The following CLCC1 variants were observed in gnomAD, a reference collection of about 807,000 sequenced individuals.
The protein encoded by CLCC1 is chloride channel CLIC-like protein 1.
A neutral mutation model predicts 63.3 loss-of-function variants in CLCC1; 39 were observed. The ratio of observed to expected loss-of-function variants is 0.62; its 90% CI spans 0.48 to 0.81. CLCC1 has a LOEUF of 0.81. CLCC1 is among the 30% of genes least tolerant of loss of function. CLCC1 has a pLI of 0.00. For missense variants in CLCC1, 549 were observed against 669.4 expected (o/e 0.82, Z 1.98); for synonymous variants, 217 against 239.8 (o/e 0.90, Z 0.88).
chr1:108,943,542 T>G lies in CLCC1; in HGVS notation c.635A>C (p.Gln212Pro). 1.2e-6 allele frequency: 2 copies of G among 1,614,022 alleles called. No homozygotes were observed. Among genetic ancestry groups the G allele is most frequent in the Non-Finnish European group, 8.5e-7 (1 of 1,179,894 alleles). ...ELWTYVRWYT[Q>P]LRRVLIISFL... ...GCTGATGATTAAAACACGTCTCAAC[T>G]GAGTGTACCAACGTACATATGTCCA... The change falls in exon 7 of 13, where the codon CAG (glutamine) becomes CCG (proline). Residue 212 changes from glutamine (Q) to proline (P), a missense_variant. Transcript: ENST00000369969.
intron 2 of CLCC1, among the ~76,000 whole-genome samples, chr1:108,952,849 G>A (rs1483744478): frequency 6.6e-6 from 1 of 151,534 alleles, no homozygotes; most frequent in Non-Finnish European, 1.5e-5. Flanking sequence ...TTCAAATGCA[G>A]TGACTAAACT....
chr1:108,939,827 A>C, intron 9 of CLCC1, 45 bp from the exon 10 acceptor site: 1 of 1,594,494 alleles, frequency 6.3e-7, no homozygotes, highest in East Asian at 2.2e-5. Context: ...CACAGGACTA[A>C]GGTACAGAAT....
chr1:108,939,361 C>T (rs1653494582), intron 10 of CLCC1, among the ~76,000 whole-genome samples: 1 of 146,392 alleles, frequency 6.8e-6, no homozygotes, highest in African/African-American at 2.5e-5. Flanking sequence ...GGCTGGAGTA[C>T]AGTGGTGCGA....
chr1:108,940,327 T>C (rs1653681625), intron 8 of CLCC1, among the ~76,000 whole-genome samples, 185 bp from the exon 9 acceptor site: 2 of 152,240 alleles, frequency 1.3e-5, no homozygotes, highest in South Asian at 4.1e-4. Flanking sequence ...TCCAAAATCA[T>C]GTTTTAAAAA....
chr1:108,946,038 G>A (rs900541454), intron 5 of CLCC1, among the ~76,000 whole-genome samples: 8 of 151,998 alleles, frequency 5.3e-5, no homozygotes, highest in Non-Finnish European at 1.2e-4. Context: ...GGCCGGGCGC[G>A]GTGGCTCATG....
At chr1:108,937,643 A>T (rs988794779) in intron 10 of CLCC1, among the ~76,000 whole-genome samples, 2 of 152,252 alleles carry the variant, frequency 1.3e-5, no homozygotes, top group Admixed American at 6.5e-5. Context: ...AGACATTTTA[A>T]TCAGCTAGAC....
intron 12 of CLCC1, chr1:108,933,467 T>C (rs1277322052): frequency 1.3e-5 from 2 of 150,978 alleles, no homozygotes; most frequent in African/African-American, 4.9e-5. Context: ...TACAGGCACG[T>C]AAGTAACACT....
chr1:108,953,612 C>A (rs1428881621), intron 2 of CLCC1, among the ~76,000 whole-genome samples: 2 of 152,322 alleles, frequency 1.3e-5, no homozygotes, highest in South Asian at 4.2e-4. Context: ...CAACACCCAG[C>A]CCAGTGGTTG....
In CLCC1 at chr1:108,930,139, A is replaced by C; in HGVS notation, c.*2408T>G. On this transcript the variant is annotated 3_prime_UTR_variant, in exon 13 of 13. Coordinates refer to ENST00000369969, the MANE Select transcript of CLCC1 (RefSeq NM_001377458.1). ...CGTTTGAGGGTGGAGGGGTCCTGTA[A>C]GGTGCTTCATCGTCTGTGATTACTG... 1 of 579,934 alleles carries C rather than the reference A, an allele frequency of 1.7e-6. No individual in the cohort carries two copies. The highest frequency in any genetic ancestry group is 2.2e-5 in the South Asian group (1 of 44,520). The allele number at this position is 579,934 out of a possible 1,614,324, so 35.9% of individuals were successfully genotyped here. A position where few individuals can be genotyped will look rare whatever the true frequency, so the allele number is the denominator to read the frequency against.
Position 108,929,954 on chromosome 1 carries a change from A to T in CLCC1, c.*2593T>A, listed in dbSNP as rs1553218196. 3 of 1,608,824 alleles carry T rather than the reference A, an allele frequency of 1.9e-6. No individual in the cohort carries two copies. The highest frequency in any genetic ancestry group is 2.2e-5 in the East Asian group (1 of 44,818). On this transcript the variant is annotated 3_prime_UTR_variant, in exon 13 of 13. Coordinates refer to ENST00000369969, the MANE Select transcript of CLCC1 (RefSeq NM_001377458.1). The stretch of plus-strand genomic sequence containing the variant: ...GCAGACCATTAGTTACTATGGATTT[A>T]TTTTTTTTCCTTTCAAACACGGTAA...
chr1:108,936,155 C>T (rs1281572054), intron 11 of CLCC1, among the ~76,000 whole-genome samples: 2 of 141,832 alleles, frequency 1.4e-5, no homozygotes, highest in Admixed American at 7.3e-5. Context: ...TGCAATGGCA[C>T]GATCTCGGCT....
chr1:108,961,603 T>C (rs1363451094), intron 2 of CLCC1, among the ~76,000 whole-genome samples: 3 of 152,212 alleles, frequency 2.0e-5, no homozygotes, highest in Admixed American at 6.5e-5. Flanking sequence ...CTCACGCTTG[T>C]AATCCCAGCA....
intron 5 of CLCC1, among the ~76,000 whole-genome samples, chr1:108,947,358 G>A (rs1426049639): frequency 1.3e-5 from 2 of 152,184 alleles, no homozygotes; most frequent in African/African-American, 2.4e-5. Flanking sequence ...TGGTGGAGCA[G>A]TGCACAGAGC....
intron 2 of CLCC1, among the ~76,000 whole-genome samples, chr1:108,951,403 A>G (rs1390617608): frequency 1.3e-5 from 2 of 152,142 alleles, no homozygotes. Flanking sequence ...ACAACAACAA[A>G]CAAATTTCCA....
intron 2 of CLCC1, among the ~76,000 whole-genome samples, chr1:108,961,687 C>T (rs1331895149): frequency 2.0e-5 from 3 of 152,170 alleles, no homozygotes; most frequent in Non-Finnish European, 4.4e-5. Context: ...TGGAGAAACC[C>T]TGTCTCTACT....
At position 108,934,894 on chromosome 1, in the gene CLCC1, G is replaced by A. The variant is rs377215045; in HGVS notation, c.1432C>T (p.Leu478=). 102 of 1,613,974 alleles carry A rather than the reference G, an allele frequency of 6.3e-5. No individual in the cohort carries two copies. The highest frequency in any genetic ancestry group is 3.3e-4 in the Middle Eastern group (2 of 6,080). The part of the protein sequence containing the change: ...DTKPKETGGI[L]GEGTPKESST... ...CTTTCTTTCGGTGTGCCTTCCCCCA[G>A]GATTCCACCTGTCTCCTTGGGCTTT... The change falls in exon 12 of 13, where the codon CTG becomes TTG. Residue 478 remains leucine, a synonymous_variant. Coordinates refer to ENST00000369969, the MANE Select transcript of CLCC1 (RefSeq NM_001377458.1).
At chr1:108,944,872 G>A (rs1466366121) in intron 5 of CLCC1, among the ~76,000 whole-genome samples, 3 of 152,034 alleles carry the variant, frequency 2.0e-5, no homozygotes, top group Admixed American at 6.6e-5. Flanking sequence ...CTCATGATCC[G>A]CCCGCCATGG....
intron 7 of CLCC1, 122 bp from the exon 8 acceptor site, chr1:108,941,620 T>A: frequency 2.0e-6 from 1 of 506,326 alleles, no homozygotes; most frequent in Non-Finnish European, 3.3e-6. Context: ...TGTTATAAAT[T>A]TTTAATTAAA....
chr1:108,937,517 A>AACTT, intron 10 of CLCC1, 99 bp from the exon 11 acceptor site: 1 of 1,039,976 alleles, frequency 9.6e-7, no homozygotes, highest in East Asian at 2.6e-5. Flanking sequence ...TATGTAATTT[A>AACTT]ACTTACTTGT....
Sources: allele counts gnomAD v4.1 joint callset (sites outside exome capture counted in the v4.1 genomes callset), GRCh38; gene constraint gnomAD v4.1.1; transcripts MANE v1.5; gene names NCBI Gene and HGNC (gene_info 2026-07-23, HGNC 2026-07-21).